The following PDZRN4 variants were observed in gnomAD, a reference collection of about 807,000 sequenced individuals.
PDZRN4 encodes PDZ domain-containing RING finger protein 4.
Under a neutral mutation model 99.0 loss-of-function variants are expected in PDZRN4, and 70 were observed. The ratio of observed to expected loss-of-function variants is 0.71; its 90% CI spans 0.58 to 0.86. The LOEUF (loss-of-function observed/expected upper bound fraction) is 0.86, where lower values mean the gene tolerates loss of function less well. Ranked by LOEUF, PDZRN4 falls within the 40% of genes least tolerant of loss-of-function variation. PDZRN4 has a pLI of 0.00. For missense variants in PDZRN4, 1,474 were observed against 1,331.2 expected (o/e 1.11, Z -1.67); for synonymous variants, 551 against 501.6 (o/e 1.10, Z -1.32).
At chr12:41,262,563 T>G (rs1227997439) in intron 3 of PDZRN4, among the ~76,000 whole-genome samples, 1 of 152,174 alleles carries the variant, frequency 6.6e-6, no homozygotes, top group Non-Finnish European at 1.5e-5. Context: ...AGGTACAGAC[T>G]AAAAGATACA....
chr12:41,239,536 T>C (rs1393413247), intron 3 of PDZRN4, among the ~76,000 whole-genome samples: 4 of 152,180 alleles, frequency 2.6e-5, no homozygotes. Flanking sequence ...AATTTGGAAA[T>C]AGTGTAATAA....
rs187723586 is a variant in PDZRN4, at chr12:41,321,925, C to T, written c.843+127737C>T. Reference sequence around the variant, plus strand: ...TCATTTAGGTGGATATGTTTGTAAACCAATCAAACTACCTCTCCACCCAGA... The same window carrying T: ...TCATTTAGGTGGATATGTTTGTAAATCAATCAAACTACCTCTCCACCCAGA... On this transcript the variant is annotated intron_variant, in intron 3 of 9. Transcript: ENST00000402685. 1.4e-3 allele frequency among the ~76,000 whole-genome samples: 215 copies of T among 152,210 alleles called. 1 individual carries two copies. Among genetic ancestry groups the T allele is most frequent in the Non-Finnish European group, 2.3e-3 (155 of 68,010 alleles).
chr12:41,551,743 T>C (rs897981069), intron 5 of PDZRN4, among the ~76,000 whole-genome samples: 3 of 152,220 alleles, frequency 2.0e-5, no homozygotes, highest in Admixed American at 6.5e-5. Context: ...TAATGGGTCT[T>C]ATATTCTACA....
chr12:41,405,589 A>G (rs376959895), intron 3 of PDZRN4, among the ~76,000 whole-genome samples: 218 of 152,304 alleles, frequency 1.4e-3, no homozygotes, highest in Middle Eastern at 3.4e-3. Context: ...CAGAAATTTC[A>G]TTACTGGGTA....
chr12:41,272,627 G>A (rs1390180037), intron 3 of PDZRN4, among the ~76,000 whole-genome samples: 3 of 151,970 alleles, frequency 2.0e-5, no homozygotes, highest in Non-Finnish European at 2.9e-5. Flanking sequence ...AAGTATAATT[G>A]ACTCTTTTAG....
chr12:41,394,440 G>A lies in PDZRN4; in HGVS notation c.844-112016G>A, dbSNP rs552917761. ...CTACAAAATATACCTTCTAATTACA[G>A]TGCATTAAGTTTCAATTATTGCATA... On this transcript the variant is annotated intron_variant, in intron 3 of 9. Coordinates refer to ENST00000402685, the MANE Select transcript of PDZRN4 (RefSeq NM_001164595.2). Among the ~76,000 whole-genome samples, 6 of 152,246 alleles carry A rather than the reference G, an allele frequency of 3.9e-5. 2 individuals are homozygous for A. The highest frequency in any genetic ancestry group is 1.4e-4 in the African/African-American group (6 of 41,542).
At chr12:41,233,777 C>G (rs1448853580) in intron 3 of PDZRN4, among the ~76,000 whole-genome samples, 1 of 151,148 alleles carries the variant, frequency 6.6e-6, no homozygotes, top group Admixed American at 6.6e-5. Context: ...ATCACACACC[C>G]AGGACTGTTG....
intron 3 of PDZRN4, among the ~76,000 whole-genome samples, chr12:41,350,674 G>A (rs886635859): frequency 6.6e-6 from 1 of 152,060 alleles, no homozygotes; most frequent in African/African-American, 2.4e-5. Flanking sequence ...ATAGTTTCTT[G>A]CAAGTCATGC....
At chr12:41,265,968 G>A (rs961749) in intron 3 of PDZRN4, among the ~76,000 whole-genome samples, 20,676 of 151,952 alleles carry the variant, frequency 0.14, 2,193 homozygotes, top group African/African-American at 0.29. Context: ...TTCTCGGTTC[G>A]TAATAAAATG....
chr12:41,378,260 G>T (rs1262340299), intron 3 of PDZRN4, among the ~76,000 whole-genome samples: 3 of 152,064 alleles, frequency 2.0e-5, no homozygotes, highest in African/African-American at 7.2e-5. Context: ...TCTTCTTCCT[G>T]TTAATACGAT....
At chr12:41,347,532 A>G (rs1312953266) in intron 3 of PDZRN4, among the ~76,000 whole-genome samples, 1 of 152,044 alleles carries the variant, frequency 6.6e-6, no homozygotes, top group Admixed American at 6.6e-5. Context: ...TTCTTTAGAT[A>G]TTTTGTGTAC....
intron 3 of PDZRN4, among the ~76,000 whole-genome samples, chr12:41,478,226 G>A (rs888972966): frequency 7.3e-5 from 11 of 151,722 alleles, no homozygotes; most frequent in African/African-American, 1.2e-4. Context: ...AGCGATTCTC[G>A]TGCCTCAGCC....
At chr12:41,425,803 T>A (rs2120422174) in intron 3 of PDZRN4, among the ~76,000 whole-genome samples, 1 of 152,290 alleles carries the variant, frequency 6.6e-6, no homozygotes, top group East Asian at 1.9e-4. Flanking sequence ...TACTAAAGCC[T>A]ATCAAAATAT....
chr12:41,334,934 G>C (rs576655352), intron 3 of PDZRN4, among the ~76,000 whole-genome samples: 1 of 152,068 alleles, frequency 6.6e-6, no homozygotes, highest in Non-Finnish European at 1.5e-5. Context: ...CTCTGTCTGT[G>C]ACAGTCTTTT....
At chr12:41,482,608 G>T (rs1937693867) in intron 3 of PDZRN4, among the ~76,000 whole-genome samples, 1 of 152,234 alleles carries the variant, frequency 6.6e-6, no homozygotes, top group African/African-American at 2.4e-5. Context: ...TACAGATGAA[G>T]AAATTGAGGC....
At chr12:41,317,075 G>C (rs1484737945) in intron 3 of PDZRN4, among the ~76,000 whole-genome samples, 1 of 32,582 alleles carries the variant, frequency 3.1e-5, no homozygotes, top group East Asian at 1.1e-3. Context: ...TATATATATA[G>C]TATATTTGTA....
intron 3 of PDZRN4, among the ~76,000 whole-genome samples, chr12:41,310,310 G>T (rs1412269453): frequency 6.6e-6 from 1 of 151,890 alleles, no homozygotes; most frequent in Non-Finnish European, 1.5e-5. Context: ...ACAAAAATTT[G>T]CACATTATCA....
chr12:41,413,600 T>C (rs951609989), intron 3 of PDZRN4, among the ~76,000 whole-genome samples: 1 of 152,192 alleles, frequency 6.6e-6, no homozygotes, highest in East Asian at 1.9e-4. Context: ...CTATACATTA[T>C]ATGTGTTGCA....
chr12:41,253,901 A>C (rs1253884919), intron 3 of PDZRN4, among the ~76,000 whole-genome samples: 5 of 152,148 alleles, frequency 3.3e-5, no homozygotes, highest in Non-Finnish European at 5.9e-5. Context: ...CAACTATTGC[A>C]TATTCTCACT....
Sources: allele counts gnomAD v4.1 joint callset (sites outside exome capture counted in the v4.1 genomes callset), GRCh38; gene constraint gnomAD v4.1.1; transcripts MANE v1.5; gene names NCBI Gene and HGNC (gene_info 2026-07-23, HGNC 2026-07-21).